C13orf46: variants seen among roughly 807,000 people sequenced by gnomAD.
The protein encoded by C13orf46 is uncharacterized protein C13orf46.
the C13orf46 span, chr13:113,928,051 T>A: frequency 1.2e-5 from 2 of 163,426 alleles, no homozygotes; most frequent in African/African-American, 4.8e-5. Flanking sequence ...GTCCTCCAGA[T>A]GTTTTGAAAT....
the C13orf46 span, chr13:113,927,469 C>G: frequency 5.0e-6 from 2 of 398,632 alleles, no homozygotes; most frequent in East Asian, 7.1e-5. Context: ...CTGCAAAGTA[C>G]AAGTCCTGGG....
At chr13:113,958,129 C>T (rs943836491) in intron 6 of C13orf46, among the ~76,000 whole-genome samples, 31 of 143,896 alleles carry the variant, frequency 2.2e-4, no homozygotes, top group Non-Finnish European at 3.8e-4. Flanking sequence ...CTGCACTCCA[C>T]ATGCACCCCC....
At chr13:113,953,102 G>A (rs1241456196), downstream of C13orf46, among the ~76,000 whole-genome samples, 6 of 152,298 alleles carry the variant, frequency 3.9e-5, no homozygotes, top group East Asian at 1.2e-3. Flanking sequence ...TGAGTTCAGC[G>A]CCCACTGAGC....
At chr13:113,965,740 A>ATGATGGTGATGATGG in intron 5 of C13orf46, among the ~76,000 whole-genome samples, 1 of 71,918 alleles carries the variant, frequency 1.4e-5, no homozygotes, top group Non-Finnish European at 2.5e-5. Context: ...GGTGAAGGTG[A>ATGATGGTGATGATGG]TGATGGTGAT....
chr13:113,936,099 A>G, the C13orf46 span, among the ~76,000 whole-genome samples: 1 of 152,216 alleles, frequency 6.6e-6, no homozygotes, highest in African/African-American at 2.4e-5. Context: ...GGAGGTGGAA[A>G]AGACAGACCT....
the C13orf46 span, among the ~76,000 whole-genome samples, chr13:113,939,473 C>T: frequency 7.2e-5 from 11 of 151,738 alleles, no homozygotes; most frequent in East Asian, 1.9e-4. Context: ...GCCACCTGGA[C>T]GGGGGGAACG....
At chr13:113,958,478 C>T (rs923886004) in intron 6 of C13orf46, among the ~76,000 whole-genome samples, 18 of 152,318 alleles carry the variant, frequency 1.2e-4, no homozygotes, top group Admixed American at 5.2e-4. Flanking sequence ...TGACCTGGGT[C>T]CGTGCCTTTT....
the C13orf46 span, among the ~76,000 whole-genome samples, chr13:113,942,440 C>T: frequency 1.6e-4 from 25 of 152,288 alleles, no homozygotes; most frequent in African/African-American, 5.1e-4. Context: ...GTCTCCAGGA[C>T]GATTATCCCC....
At chr13:113,946,015 G>T in the C13orf46 span, among the ~76,000 whole-genome samples, 2 of 152,238 alleles carry the variant, frequency 1.3e-5, no homozygotes, top group Non-Finnish European at 2.9e-5. Flanking sequence ...GTGGGCTGGA[G>T]TGCAGGGCAG....
intron 6 of C13orf46, among the ~76,000 whole-genome samples, chr13:113,958,452 G>T (rs1203216264): frequency 2.6e-5 from 4 of 152,236 alleles, no homozygotes; most frequent in African/African-American, 9.6e-5. Flanking sequence ...GAGCCACTAT[G>T]TTCTTAAAAG....
chr13:113,930,410 AGGAGCACCGAGGCGGGGGCGCG>A, the C13orf46 span, among the ~76,000 whole-genome samples: 37 of 115,000 alleles, frequency 3.2e-4, no homozygotes, highest in South Asian at 6.3e-3. Flanking sequence ...GCGGGGGCGC[AGGAGCACCGAGGCGGGGGCGCG>A]GGAGCACTGA....
At chr13:113,967,427 G>C (rs2052660783) in intron 4 of C13orf46, 39 bp from the exon 5 acceptor site, 1 of 152,302 alleles carries the variant, frequency 6.6e-6, no homozygotes. Context: ...TGGCAGGCTT[G>C]GGTGAGCTGG....
intron 6 of C13orf46, among the ~76,000 whole-genome samples, chr13:113,962,705 T>C (rs1175141282): frequency 2.6e-5 from 4 of 152,100 alleles, no homozygotes; most frequent in Admixed American, 2.6e-4. Flanking sequence ...CTGGGATAGC[T>C]GAGTCAAGGG....
At chr13:113,944,644 G>A in the C13orf46 span, among the ~76,000 whole-genome samples, 8 of 141,752 alleles carry the variant, frequency 5.6e-5, no homozygotes, top group Non-Finnish European at 1.2e-4. Flanking sequence ...CCAGGTGTGT[G>A]ACAAGTCCTC....
At position 113,955,010 on chromosome 13, in the gene C13orf46, T is replaced by TCTGGCGGAGAGGAGGAGG. The variant is rs1421612815; in HGVS notation, c.*1762_*1763insCCTCCTCCTCTCCGCCAG. ...AGGAGGATCTGGCAGAGAGGAGGAG[T>TCTGGCGGAGAGGAGGAGG]AGGATCTGGCGGAGAGGAGGAGTAG... On this transcript the variant is annotated 3_prime_UTR_variant, in exon 7 of 7. Transcript: ENST00000636427. 7 of 61,918 alleles carry TCTGGCGGAGAGGAGGAGG rather than the reference T, an allele frequency of 1.1e-4. No individual in the cohort carries two copies. Among genetic ancestry groups the TCTGGCGGAGAGGAGGAGG allele is most frequent in the African/African-American group, 3.0e-4 (7 of 23,390 alleles). The allele number at this position is 61,918 out of a possible 1,614,324, so 3.8% of individuals were successfully genotyped here. A position where few individuals can be genotyped will look rare whatever the true frequency, so the allele number is the denominator to read the frequency against.
intron 6 of C13orf46, among the ~76,000 whole-genome samples, chr13:113,960,683 T>C (rs1457805488): frequency 6.6e-6 from 1 of 152,236 alleles, no homozygotes; most frequent in Non-Finnish European, 1.5e-5. Context: ...CAACTTCTCA[T>C]GCTGTTACCA....
At position 113,963,426 on chromosome 13, in the gene C13orf46, GCCCTGTCCTCAGCCTCGGC is replaced by G. The variant is rs1341749947; in HGVS notation, c.572+1482_572+1500del. Among the ~76,000 whole-genome samples the G allele has an allele frequency of 4.3e-4, 45 of 104,550 alleles. 1 individual carries two copies. The highest frequency in any genetic ancestry group is 1.5e-3 in the African/African-American group (36 of 23,900). The allele number at this position is 104,550 out of a possible 152,430, so 68.6% of individuals were successfully genotyped here. ...AGCCTCGCCCCTGTCCTCAGCCTCGGCCCTGTCCTCAGCCTCGGCCCCTGTCCTCAGCTTCACCCCTGTC... is the reference window on the plus strand; with the variant it reads ...AGCCTCGCCCCTGTCCTCAGCCTCGGCCCTGTCCTCAGCTTCACCCCTGTC... On this transcript the variant is annotated intron_variant, in intron 6 of 6. Transcript: ENST00000636427.
intron 1 of C13orf46, among the ~76,000 whole-genome samples, chr13:113,970,945 G>A (rs2052698474): frequency 6.6e-6 from 1 of 152,198 alleles, no homozygotes; most frequent in South Asian, 2.1e-4. Context: ...CTTGGCTAAA[G>A]GTGTTGACTG....
chr13:113,944,419 C>CCTGCT, the C13orf46 span, among the ~76,000 whole-genome samples: 1 of 152,242 alleles, frequency 6.6e-6, no homozygotes, highest in South Asian at 2.1e-4. Flanking sequence ...TGCTGGGTTA[C>CCTGCT]CTGCTCCGAT....
Sources: gnomAD v4.1 joint callset for allele counts (sites outside exome capture counted in the v4.1 genomes callset) on GRCh38, gnomAD v4.1.1 for gene constraint, MANE v1.5 for transcripts, NCBI Gene and HGNC (gene_info 2026-07-23, HGNC 2026-07-21) for gene names.